Variants in ADGRA2 observed in about 807,000 individuals in gnomAD.
ADGRA2 encodes the protein G-protein coupled receptor 124.
A neutral mutation model predicts 98.7 loss-of-function variants in ADGRA2; 61 were observed. The observed-to-expected ratio is 0.62, with a 90% CI of 0.50 to 0.76. The LOEUF is 0.76. Among genes scored for constraint, ADGRA2 ranks in the 30% least tolerant of loss-of-function variants. The pLI is 0.00. For synonymous variants in ADGRA2, 858 were observed against 831.5 expected (o/e 1.03, Z -0.55); for missense variants, 1,712 against 1,860.0 (o/e 0.92, Z 1.46).
chr8:37,815,052 G>A (rs572753138), intron 2 of ADGRA2, 85 bp downstream of exon 2: 41 of 952,914 alleles, frequency 4.3e-5, no homozygotes, highest in South Asian at 3.5e-4. Flanking sequence ...AACGCTGGTC[G>A]CTGAGTGACT....
Position 37,815,931 on chromosome 8 carries a change from C to T in ADGRA2, c.338+964C>T, listed in dbSNP as rs537793052. Among the ~76,000 whole-genome samples, 11 of 152,332 alleles carry T rather than the reference C, an allele frequency of 7.2e-5. No individual in the cohort carries two copies. In the South Asian group the frequency reaches 1.9e-3, roughly 26 times the overall value. The stretch of plus-strand genomic sequence containing the variant: ...TGCTTTCTCTCTCACGCCCCCATCC[C>T]GTCTCCCATCTCTGCTCTCATCCTG... On this transcript the variant is annotated intron_variant, in intron 2 of 18. Transcript: ENST00000412232.
rs560188929 is a variant in ADGRA2 at position 37,833,053 on chromosome 8, C to T, written c.1141C>T (p.Leu381=). The T allele has an allele frequency of 2.2e-5, 35 of 1,613,530 alleles. No individual in the cohort carries two copies. In the Middle Eastern group the frequency reaches 5.0e-4, roughly 23 times the overall value. ...LAGITAYQSC[L]QYPFTSVPLG... is the part of the protein sequence containing the mutation. ...TGGCATCACAGCCTACCAGTCCTGC[C>T]TGCAGTATCCCTTCACCTCAGTGCC... is the stretch of plus-strand genomic sequence containing the variant. Residue 381 remains leucine, a synonymous_variant, in exon 9 of 19, where the codon CTG becomes TTG. Transcript: ENST00000412232.
In ADGRA2 at chr8:37,839,508, T is replaced by C; in HGVS notation, c.2397T>C (p.Arg799=). ...ITYILNHSSI[R]VSRKGWHMLL... is the part of the protein sequence containing the mutation. The stretch of plus-strand genomic sequence containing the variant: ...GACTGTTTCCGGGCAGCTCCATCCG[T>C]GTGTCCCGGAAAGGCTGGCACATGC... The change falls in exon 16 of 19, where the codon CGT becomes CGC. Residue 799 remains arginine, a synonymous_variant. Transcript: ENST00000412232. The C allele has an allele frequency of 1.2e-6, 2 of 1,614,108 alleles. No homozygotes were observed. The highest frequency in any genetic ancestry group is 2.2e-5 in the South Asian group (2 of 91,084).
At position 37,797,558 on chromosome 8, in the gene ADGRA2, C is replaced by T; in HGVS notation, c.266+24C>T. On this transcript the variant is annotated intron_variant, in intron 1 of 18. Transcript: ENST00000412232. The surrounding 1 kb of genome is among the most constrained non-coding windows in gnomAD (Gnocchi z 5.3). Reference sequence around the variant, plus strand: ...CTGTGAGTACCCTACCAGGCCAGTTCCGTCCGAGCCGGGACTGGGGACGAA... The same window carrying T: ...CTGTGAGTACCCTACCAGGCCAGTTTCGTCCGAGCCGGGACTGGGGACGAA... 7.4e-7 allele frequency: 1 copy of T among 1,346,786 alleles called. No individual in the cohort carries two copies. Among genetic ancestry groups the T allele is most frequent in the African/African-American group, 1.5e-5 (1 of 66,462 alleles). The allele number at this position is 1,346,786 out of a possible 1,614,324, so 83.4% of individuals were successfully genotyped here.
At chr8:37,801,373 G>T (rs1804498033) in intron 1 of ADGRA2, among the ~76,000 whole-genome samples, 1 of 152,296 alleles carries the variant, frequency 6.6e-6, no homozygotes, top group South Asian at 2.1e-4. Context: ...AGGAGCCTTT[G>T]TGGGCCTCCC....
Position 37,837,717 on chromosome 8 carries a change from C to G in ADGRA2, c.2051-14C>G. 6.5e-7 allele frequency: 1 copy of G among 1,548,698 alleles called. No individual in the cohort carries two copies. The highest frequency in any genetic ancestry group is 8.7e-7 in the Non-Finnish European group (1 of 1,146,036). On this transcript the variant is annotated splice_polypyrimidine_tract_variant and intron_variant, in intron 13 of 18. Transcript: ENST00000412232. ...CCTGTGTGTGTCTGTGTGGACGTCC[C>G]TCTCCCGCTGTAGGTGGCTGTGGCG... is the stretch of plus-strand genomic sequence containing the variant.
rs1256051842 is a variant in ADGRA2 at position 37,814,726 on chromosome 8, T to C, written c.267-170T>C. Among the ~76,000 whole-genome samples, 7 of 152,128 alleles carry C rather than the reference T, an allele frequency of 4.6e-5. No homozygotes were observed. Among genetic ancestry groups the C allele is most frequent in the Non-Finnish European group, 5.9e-5 (4 of 68,000 alleles). On this transcript the variant is annotated intron_variant, in intron 1 of 18. Coordinates refer to ENST00000412232, the MANE Select transcript of ADGRA2 (RefSeq NM_032777.10). This position sits in a 1 kb window ranked among gnomAD's most constrained non-coding sequence, Gnocchi z 4.3. ...GTCTGACGTGGGGCTGGGTGGACCG[T>C]TGGCCAGCTTCTCCCTGTAATCTCC...
chr8:37,835,713 G>T lies in ADGRA2; in HGVS notation c.1993G>T (p.Ala665Ser). 6.2e-7 allele frequency: 1 copy of T among 1,613,926 alleles called. No individual in the cohort carries two copies. Among genetic ancestry groups the T allele is most frequent in the Non-Finnish European group, 8.5e-7 (1 of 1,179,980 alleles). ...CCACAGCAACACCTCCCGCCCTGGAGCTGCTGGGCCTGGCAAGAGGCGTGG... is the reference window on the plus strand; with the variant it reads ...CCACAGCAACACCTCCCGCCCTGGATCTGCTGGGCCTGGCAAGAGGCGTGG... ...HSHSNTSRPG[A>S]AGPGKRRGVA... Residue 665 changes from alanine (A) to serine (S), a missense_variant, in exon 13 of 19, where the codon GCT (alanine) becomes TCT (serine). Ala to Ser is a moderately conservative substitution (Grantham distance 99). Coordinates refer to ENST00000412232, the MANE Select transcript of ADGRA2 (RefSeq NM_032777.10).
Position 37,841,627 on chromosome 8 carries a change from C to T in ADGRA2, c.3289C>T (p.Arg1097Trp). ...TCCCGCGGCCCCCCATGCCCCGCCC[C>T]GGGCCCTGCCCGCCGCCGCAGAGGA... Reference protein sequence around the residue: ...ASPAAPHAPPRALPAAAEDGS... With the variant: ...ASPAAPHAPPWALPAAAEDGS... The change falls in exon 19 of 19, where the codon CGG (arginine) becomes TGG (tryptophan). Residue 1097 changes from arginine to tryptophan, a missense_variant. Coordinates refer to ENST00000412232, the MANE Select transcript of ADGRA2 (RefSeq NM_032777.10). This position sits in a 1 kb window ranked among gnomAD's most constrained non-coding sequence, Gnocchi z 5.0. The T allele has an allele frequency of 6.5e-7, 1 of 1,532,976 alleles. No homozygotes were observed. Among genetic ancestry groups the T allele is most frequent in the Non-Finnish European group, 8.8e-7 (1 of 1,139,486 alleles). The allele number at this position is 1,532,976 out of a possible 1,614,324, so 95.0% of individuals were successfully genotyped here.
intron 1 of ADGRA2, among the ~76,000 whole-genome samples, chr8:37,807,216 G>A (rs1053856801): frequency 6.6e-6 from 1 of 152,216 alleles, no homozygotes; most frequent in Admixed American, 6.5e-5. Context: ...GGAGCGGGCA[G>A]AACACCTTAC....
intron 1 of ADGRA2, among the ~76,000 whole-genome samples, chr8:37,798,076 GGGCAAGGGGA>G (rs1209124920): frequency 6.6e-6 from 1 of 152,122 alleles, no homozygotes; most frequent in Non-Finnish European, 1.5e-5. Flanking sequence ...GGTCTCCTTA[GGGCAAGGGGA>G]GGCTGGGCTC....
At chr8:37,807,444 A>G (rs1804709029) in intron 1 of ADGRA2, among the ~76,000 whole-genome samples, 1 of 152,236 alleles carries the variant, frequency 6.6e-6, no homozygotes, top group Non-Finnish European at 1.5e-5. Context: ...ATTATTGCTA[A>G]TGACATAGTA....
chr8:37,830,222 A>T lies in ADGRA2; in HGVS notation c.718+208A>T, dbSNP rs1805414123. 6.6e-6 allele frequency among the ~76,000 whole-genome samples: 1 copy of T among 152,226 alleles called. No homozygotes were observed. The highest frequency in any genetic ancestry group is 2.1e-4 in the South Asian group (1 of 4,838). On this transcript the variant is annotated intron_variant, in intron 6 of 18. Transcript: ENST00000412232. This position sits in a 1 kb window ranked among gnomAD's most constrained non-coding sequence, Gnocchi z 4.8. Reference sequence around the variant, plus strand: ...CATCTGAGAAGTGCTGCCCAGCACAAAAAGGCTTTTCTGTGCTGTCTTTCA... The same window carrying T: ...CATCTGAGAAGTGCTGCCCAGCACATAAAGGCTTTTCTGTGCTGTCTTTCA...
At position 37,844,368 on chromosome 8, in the gene ADGRA2, C is replaced by T. The variant is rs570589648; in HGVS notation, c.*2013C>T. On this transcript the variant is annotated 3_prime_UTR_variant, in exon 19 of 19. Transcript: ENST00000412232. ...CAGGGTCCAACTAATGGCAGAGCCCCTCTTGGTTCCTTCAAACAAGAAAAG... is the reference window on the plus strand; with the variant it reads ...CAGGGTCCAACTAATGGCAGAGCCCTTCTTGGTTCCTTCAAACAAGAAAAG... The T allele has an allele frequency of 1.5e-4, 203 of 1,343,864 alleles. 1 individual carries two copies. The African/African-American group carries it at 2.3e-3, about 15-fold the overall frequency. 83.2% of individuals were successfully genotyped at this position (1,343,864 alleles called of 1,614,324 possible).
intron 2 of ADGRA2, among the ~76,000 whole-genome samples, chr8:37,823,190 CTTTTTTTTTT>C (rs34242233): frequency 1.5e-5 from 2 of 130,070 alleles, no homozygotes; most frequent in Non-Finnish European, 3.3e-5. Flanking sequence ...CATGCCCAAC[CTTTTTTTTTT>C]TTTTTTTTTG....
chr8:37,826,595 G>T (rs1200794074), intron 2 of ADGRA2, among the ~76,000 whole-genome samples: 1 of 152,170 alleles, frequency 6.6e-6, no homozygotes, highest in Non-Finnish European at 1.5e-5. Flanking sequence ...CCTATGGGAA[G>T]GAGCTGAGGG....
Position 37,835,588 on chromosome 8 carries a change from C to G in ADGRA2, c.1868C>G (p.Pro623Arg), listed in dbSNP as rs370919357. The G allele has an allele frequency of 6.2e-7, 1 of 1,613,434 alleles. No homozygotes were observed. The change falls in exon 13 of 19, where the codon CCG (proline) becomes CGG (arginine). Residue 623 changes from proline (P) to arginine (R), a missense_variant. Physicochemically the swap from Pro to Arg is moderately radical, Grantham distance 103. Transcript: ENST00000412232. ...SVALASIQLP[P>R]SLFSSLPAAL... ...GCCCTGGCCTCCATCCAGCTGCCCC[C>G]GAGTCTATTCTCATCCCTTCCGGCT...
chr8:37,839,143 G>A (rs1264277936), intron 15 of ADGRA2, 60 bp downstream of exon 15: 2 of 1,593,234 alleles, frequency 1.3e-6, no homozygotes, highest in African/African-American at 1.3e-5. Context: ...CCCCTACCCT[G>A]TCCACTTCCC....
chr8:37,815,079 G>A lies in ADGRA2; in HGVS notation c.338+112G>A, dbSNP rs370786213. The A allele has an allele frequency of 5.0e-4, 400 of 800,512 alleles. 3 individuals carry two copies. In the African/African-American group the frequency reaches 5.6e-3, roughly 11 times the overall value. The allele number at this position is 800,512 out of a possible 1,614,324, so 49.6% of individuals were successfully genotyped here. A position where few individuals can be genotyped will look rare whatever the true frequency, so the allele number is the denominator to read the frequency against. On this transcript the variant is annotated intron_variant, in intron 2 of 18. Coordinates refer to ENST00000412232, the MANE Select transcript of ADGRA2 (RefSeq NM_032777.10). ...TGAGTGACTCCAGAACCTGCCGGCC[G>A]AGCAGGGCCCGGAGTTAGACCCACT...
Sources: gnomAD v4.1 joint callset for allele counts (sites outside exome capture counted in the v4.1 genomes callset) on GRCh38, gnomAD v4.1.1 for gene constraint, Gnocchi (gnomAD v3.1) non-coding constraint, MANE v1.5 for transcripts, NCBI Gene and HGNC (gene_info 2026-07-23, HGNC 2026-07-21) for gene names.